Variants in ZNF804A observed in about 807,000 individuals in gnomAD.
ZNF804A encodes the protein zinc finger protein 804A.
Under a neutral mutation model 16.5 loss-of-function variants are expected in ZNF804A, and 2 were observed. That is an observed-to-expected ratio of 0.12 (90% CI 0.05 to 0.38). The LOEUF (loss-of-function observed/expected upper bound fraction) is 0.38, where lower values mean the gene tolerates loss of function less well. Among genes scored for constraint, ZNF804A ranks in the 10% least tolerant of loss-of-function variants. ZNF804A has a pLI of 0.99. For missense variants in ZNF804A, 1,473 were observed against 1,390.7 expected (o/e 1.06, Z -0.94); for synonymous variants, 534 against 489.6 (o/e 1.09, Z -1.20).
At chr2:184,910,818 G>A (rs1044623310) in intron 2 of ZNF804A, among the ~76,000 whole-genome samples, 2 of 151,838 alleles carry the variant, frequency 1.3e-5, no homozygotes. Context: ...TTTTTAATAA[G>A]ATTATTTGCT....
chr2:184,863,768 T>G (rs972483817), intron 1 of ZNF804A, among the ~76,000 whole-genome samples: 4 of 152,184 alleles, frequency 2.6e-5, no homozygotes, highest in African/African-American at 9.6e-5. Flanking sequence ...CCTCAAACGC[T>G]TTAGCCATGA....
chr2:184,646,836 T>C (rs142437252), intron 1 of ZNF804A, among the ~76,000 whole-genome samples: 1 of 152,354 alleles, frequency 6.6e-6, no homozygotes, highest in Non-Finnish European at 1.5e-5. Context: ...TTGGCACTGG[T>C]GTTTCCTCCT....
Position 184,670,154 on chromosome 2 carries a change from C to T in ZNF804A, c.111+71084C>T, listed in dbSNP as rs533414615. On this transcript the variant is annotated intron_variant, in intron 1 of 3. Transcript: ENST00000302277. ...AAGAAGTCTTTTGTCAGCCTAATTG[C>T]TATTCCTTTCTATATAAATATGCTT... Among the ~76,000 whole-genome samples the T allele has an allele frequency of 2.0e-5, 3 of 152,104 alleles. No homozygotes were observed. In the East Asian group the frequency reaches 5.8e-4, roughly 29 times the overall value.
intron 1 of ZNF804A, among the ~76,000 whole-genome samples, chr2:184,783,331 T>C (rs1015797728): frequency 6.6e-6 from 1 of 151,532 alleles, no homozygotes; most frequent in Non-Finnish European, 1.5e-5. Flanking sequence ...GTTTTTATTA[T>C]AAACTAGGCA....
At chr2:184,810,919 G>T (rs962633747) in intron 1 of ZNF804A, among the ~76,000 whole-genome samples, 6 of 152,130 alleles carry the variant, frequency 3.9e-5, no homozygotes, top group African/African-American at 1.4e-4. Context: ...GTCTTTATAT[G>T]TATAAGAAAT....
intron 1 of ZNF804A, among the ~76,000 whole-genome samples, chr2:184,803,221 G>T (rs1694751991): frequency 6.6e-6 from 1 of 151,874 alleles, no homozygotes; most frequent in African/African-American, 2.4e-5. Context: ...TACCTAAAGT[G>T]CTCTTCAGGA....
intron 1 of ZNF804A, among the ~76,000 whole-genome samples, chr2:184,855,815 A>C (rs983477608): frequency 6.6e-6 from 1 of 152,022 alleles, no homozygotes; most frequent in Non-Finnish European, 1.5e-5. Context: ...TGTCATGTGA[A>C]TATGTTCATT....
chr2:184,828,025 A>G (rs1461681091), intron 1 of ZNF804A, among the ~76,000 whole-genome samples: 3 of 151,930 alleles, frequency 2.0e-5, no homozygotes, highest in South Asian at 2.1e-4. Flanking sequence ...TAAAAATTAC[A>G]TAAAACATCA....
intron 1 of ZNF804A, among the ~76,000 whole-genome samples, chr2:184,839,746 TA>T (rs1352743167): frequency 2.0e-5 from 3 of 152,180 alleles, no homozygotes; most frequent in African/African-American, 4.8e-5. Flanking sequence ...TTACTACATA[TA>T]AATAATTCCA....
intron 1 of ZNF804A, among the ~76,000 whole-genome samples, chr2:184,812,678 T>C (rs1251469838): frequency 6.6e-6 from 1 of 152,072 alleles, no homozygotes; most frequent in African/African-American, 2.4e-5. Flanking sequence ...TGGGTAGCTG[T>C]TGGCACTGGA....
chr2:184,683,291 CT>C (rs573092480), intron 1 of ZNF804A, among the ~76,000 whole-genome samples: 1 of 151,966 alleles, frequency 6.6e-6, no homozygotes, highest in African/African-American at 2.4e-5. Context: ...GGGATATACA[CT>C]TTTTTTTCTG....
chr2:184,604,980 T>A (rs886953604), intron 1 of ZNF804A, among the ~76,000 whole-genome samples: 1 of 152,310 alleles, frequency 6.6e-6, no homozygotes, highest in African/African-American at 2.4e-5. Context: ...ATTTTGCTGT[T>A]GTTTTTGACC....
At chr2:184,637,783 T>TAAAA (rs1691724870) in intron 1 of ZNF804A, among the ~76,000 whole-genome samples, 1 of 152,192 alleles carries the variant, frequency 6.6e-6, no homozygotes. Flanking sequence ...TTGTAACTAA[T>TAAAA]GTTTTTCTGG....
At chr2:184,916,573 G>A (rs62198463) in intron 2 of ZNF804A, among the ~76,000 whole-genome samples, 2,369 of 152,296 alleles carry the variant, frequency 0.016, 31 homozygotes, top group Non-Finnish European at 0.023. Context: ...AGATTGGCCT[G>A]GCACGGTGGC....
In ZNF804A at chr2:184,925,242, T is replaced by C. The variant is rs75126113; in HGVS notation, c.256-8361T>C. Among the ~76,000 whole-genome samples the C allele has an allele frequency of 3.1e-3, 473 of 152,116 alleles. 2 individuals are homozygous for C. The highest frequency in any genetic ancestry group is 9.8e-3 in the African/African-American group (408 of 41,572). ...TGTTGGGTGCATATATATTTACATTTGTTATATCTTCTTGTTGATTTGATC... is the reference window on the plus strand; with the variant it reads ...TGTTGGGTGCATATATATTTACATTCGTTATATCTTCTTGTTGATTTGATC... On this transcript the variant is annotated intron_variant, in intron 2 of 3. Coordinates refer to ENST00000302277, the MANE Select transcript of ZNF804A (RefSeq NM_194250.2).
chr2:184,794,080 G>A (rs1245449574), intron 1 of ZNF804A, among the ~76,000 whole-genome samples: 1 of 152,068 alleles, frequency 6.6e-6, no homozygotes, highest in Non-Finnish European at 1.5e-5. Context: ...CCTCTGGGTA[G>A]ATACCCAGTA....
chr2:184,821,399 A>T (rs1028928637), intron 1 of ZNF804A, among the ~76,000 whole-genome samples: 1 of 152,166 alleles, frequency 6.6e-6, no homozygotes, highest in Non-Finnish European at 1.5e-5. Flanking sequence ...CTTACACTTT[A>T]TACAAAAATT....
At chr2:184,879,814 C>T (rs1178592237) in intron 2 of ZNF804A, among the ~76,000 whole-genome samples, 1 of 151,936 alleles carries the variant, frequency 6.6e-6, no homozygotes, top group East Asian at 1.9e-4. Context: ...CCAAGAAATG[C>T]CAAGATGAAT....
intron 1 of ZNF804A, among the ~76,000 whole-genome samples, chr2:184,739,067 CT>C (rs750976134): frequency 1.4e-4 from 21 of 152,194 alleles, no homozygotes; most frequent in Non-Finnish European, 2.9e-4. Context: ...CTCCATAAAC[CT>C]TTTATCATGC....
Sources: allele counts gnomAD v4.1 joint callset (sites outside exome capture counted in the v4.1 genomes callset), GRCh38; gene constraint gnomAD v4.1.1; transcripts MANE v1.5; gene names NCBI Gene and HGNC (gene_info 2026-07-23, HGNC 2026-07-21).